Variants in NR3C1 observed in about 807,000 individuals in gnomAD.
The protein encoded by NR3C1 is glucocorticoid receptor.
In NR3C1, 14 loss-of-function variants were observed where a neutral mutation model predicts 74.0. The observed-to-expected ratio is 0.19, with a 90% CI of 0.12 to 0.30. The LOEUF (loss-of-function observed/expected upper bound fraction) is 0.30. NR3C1 is among the 10% of genes least tolerant of loss of function. The probability of loss-of-function intolerance (pLI) is 1.00; values close to 1 mark genes in which losing one functional copy is unlikely to be tolerated. For synonymous variants in NR3C1, 308 were observed against 332.5 expected (o/e 0.93, Z 0.80); for missense variants, 695 against 909.8 (o/e 0.76, Z 3.04).
At chr5:143,351,367 C>T (rs902145643) in intron 2 of NR3C1, among the ~76,000 whole-genome samples, 3 of 152,120 alleles carry the variant, frequency 2.0e-5, no homozygotes, top group Admixed American at 6.5e-5. Context: ...AGCCATATCG[C>T]CCACATTCCA....
chr5:143,373,852 G>A (rs1834670984), intron 2 of NR3C1, among the ~76,000 whole-genome samples: 1 of 152,056 alleles, frequency 6.6e-6, no homozygotes, highest in Admixed American at 6.5e-5. Flanking sequence ...TCCTTAAGTT[G>A]GGTGGTAGGT....
chr5:143,331,530 C>T (rs1037746375), intron 2 of NR3C1, among the ~76,000 whole-genome samples: 1 of 152,114 alleles, frequency 6.6e-6, no homozygotes, highest in African/African-American at 2.4e-5. Context: ...ATAGAATCAA[C>T]CTAAAAGCCC....
chr5:143,378,876 AG>A (rs1835693390), intron 2 of NR3C1, among the ~76,000 whole-genome samples: 1 of 152,174 alleles, frequency 6.6e-6, no homozygotes, highest in African/African-American at 2.4e-5. Context: ...CCTGATTTAT[AG>A]GAGTGATAAT....
At chr5:143,403,733 C>T (rs1840806671), upstream of NR3C1, 1 of 985,160 alleles carries the variant, frequency 1.0e-6, no homozygotes, top group South Asian at 4.7e-5. Flanking sequence ...ACTCCACCCC[C>T]GGCCGCTCCC....
At chr5:143,419,985 C>T (rs1239203516) in intron 1 of NR3C1, among the ~76,000 whole-genome samples, 2 of 152,152 alleles carry the variant, frequency 1.3e-5, no homozygotes, top group Non-Finnish European at 2.9e-5. Context: ...TTCTCTTTCT[C>T]AGGGATGTTC....
chr5:143,329,210 G>A (rs1219009372), intron 2 of NR3C1, among the ~76,000 whole-genome samples: 1 of 152,138 alleles, frequency 6.6e-6, no homozygotes, highest in East Asian at 1.9e-4. Context: ...CTTACATGGT[G>A]GCAGGAGAGA....
intron 4 of NR3C1, 63 bp downstream of exon 4, chr5:143,310,034 A>T: frequency 8.0e-7 from 1 of 1,248,682 alleles, no homozygotes; most frequent in Non-Finnish European, 1.2e-6. Flanking sequence ...TATCTTCAAA[A>T]GTAAAATGAT....
At chr5:143,416,703 C>G (rs13185164) in intron 1 of NR3C1, among the ~76,000 whole-genome samples, 2,615 of 152,180 alleles carry the variant, frequency 0.017, 73 homozygotes, top group African/African-American at 0.056. Flanking sequence ...CTGGAAGAGA[C>G]AGGGAGGTTA....
exon 1 of NR3C1, chr5:143,435,419 T>C: frequency 3.0e-6 from 3 of 985,442 alleles, no homozygotes; most frequent in Non-Finnish European, 3.6e-6. Flanking sequence ...TCTACTCAAA[T>C]GTCTGCATAG....
In NR3C1 at chr5:143,278,432, A is replaced by T. The variant is rs1017685437; in HGVS notation, c.*3457T>A. 12 of 152,198 alleles carry T rather than the reference A, an allele frequency of 7.9e-5. No individual in the cohort carries two copies. The highest frequency in any genetic ancestry group is 2.9e-4 in the African/African-American group (12 of 41,460). 9.4% of individuals were successfully genotyped at this position (152,198 alleles called of 1,614,324 possible). On this transcript the variant is annotated 3_prime_UTR_variant, in exon 9 of 9. Transcript: ENST00000394464. ...TAAAATCCTTTCAGACATTTTCTAG[A>T]GAGAAGCAAATCCTTTCCTGAAAAC... is the stretch of plus-strand genomic sequence containing the variant.
Position 143,400,727 on chromosome 5 carries a change from G to T in NR3C1, c.113C>A (p.Thr38Asn). 6.2e-7 allele frequency: 1 copy of T among 1,614,186 alleles called. No individual in the cohort carries two copies. The highest frequency in any genetic ancestry group is 1.7e-5 in the Admixed American group (1 of 60,022). Residue 38 changes from threonine (T) to asparagine (N), a missense_variant, in exon 2 of 9, where the codon ACT (threonine) becomes AAT (asparagine). Coordinates refer to ENST00000394464, the MANE Select transcript of NR3C1 (RefSeq NM_000176.3). ...GGGTGAAGACGCAGAAACCTTCACAGTAGCTCCTCCTCTTAGGGTTTTATA... is the reference window on the plus strand; with the variant it reads ...GGGTGAAGACGCAGAAACCTTCACATTAGCTCCTCCTCTTAGGGTTTTATA... Reference protein sequence around the residue: ...DFYKTLRGGATVKVSASSPSL... With the variant: ...DFYKTLRGGANVKVSASSPSL...
intron 2 of NR3C1, among the ~76,000 whole-genome samples, chr5:143,379,356 G>A (rs984767069): frequency 2.0e-5 from 3 of 152,156 alleles, no homozygotes; most frequent in African/African-American, 7.2e-5. Flanking sequence ...CAGGATTGCA[G>A]AAATAAGTGA....
chr5:143,312,940 A>C lies in NR3C1; in HGVS notation c.1351+1062T>G, dbSNP rs756190988. 5.9e-5 allele frequency among the ~76,000 whole-genome samples: 9 copies of C among 152,300 alleles called. No individual in the cohort carries two copies. In the South Asian group the frequency reaches 1.0e-3, roughly 18 times the overall value. ...ATAGGTGGGACTACTACACTGGCCA[A>C]AGCTGCCATCCTTGTAATCTTTGTG... On this transcript the variant is annotated intron_variant, in intron 3 of 8. Transcript: ENST00000394464.
chr5:143,282,143 A>AT (rs1293377489), intron 8 of NR3C1, 102 bp from the exon 9 acceptor site: 1 of 1,203,524 alleles, frequency 8.3e-7, no homozygotes, highest in African/African-American at 1.5e-5. Context: ...GGCCTAGAAT[A>AT]TACCAATCTC....
chr5:143,305,847 T>C (rs1314745768), intron 4 of NR3C1, among the ~76,000 whole-genome samples: 1 of 152,124 alleles, frequency 6.6e-6, no homozygotes, highest in Non-Finnish European at 1.5e-5. Context: ...CAATGTATCT[T>C]AGTAACAAAC....
intron 2 of NR3C1, among the ~76,000 whole-genome samples, chr5:143,385,530 C>A (rs904298117): frequency 3.3e-5 from 5 of 152,226 alleles, no homozygotes; most frequent in African/African-American, 1.2e-4. Context: ...AGCCAGGCCA[C>A]ATATTGAATG....
At chr5:143,411,334 A>G (rs1008359838) in intron 1 of NR3C1, among the ~76,000 whole-genome samples, 13 of 152,346 alleles carry the variant, frequency 8.5e-5, no homozygotes, top group African/African-American at 3.1e-4. Context: ...GTGAACACAA[A>G]AACTTGAGGA....
intron 2 of NR3C1, among the ~76,000 whole-genome samples, chr5:143,356,616 A>G (rs189914954): frequency 1.3e-5 from 2 of 151,884 alleles, no homozygotes; most frequent in Admixed American, 1.3e-4. Context: ...GGTTCCTGCA[A>G]TCTTTTGATC....
At chr5:143,291,188 CTT>C (rs758979791) in intron 7 of NR3C1, among the ~76,000 whole-genome samples, 4 of 151,966 alleles carry the variant, frequency 2.6e-5, no homozygotes, top group Non-Finnish European at 5.9e-5. Context: ...TTATTTACCA[CTT>C]TTGTTATTCT....
Sources: gnomAD v4.1 joint callset for allele counts (sites outside exome capture counted in the v4.1 genomes callset) on GRCh38, gnomAD v4.1.1 for gene constraint, MANE v1.5 for transcripts, NCBI Gene and HGNC (gene_info 2026-07-23, HGNC 2026-07-21) for gene names.